ZNF407: variants seen among roughly 807,000 people sequenced by gnomAD.
The protein encoded by ZNF407 is zinc finger protein 407.
Under a neutral mutation model 131.2 loss-of-function variants are expected in ZNF407, and 17 were observed. That is an observed-to-expected ratio of 0.13 (90% CI 0.09 to 0.19). The LOEUF is 0.19. Ranked by LOEUF, ZNF407 falls within the 10% of genes least tolerant of loss-of-function variation. ZNF407 has a pLI of 1.00. For missense variants in ZNF407, 2,681 were observed against 2,830.6 expected, an observed-to-expected ratio of 0.95 and a Z score of 1.20; for synonymous variants, 1,156 against 1,062.0, an observed-to-expected ratio of 1.09 and a Z score of -1.72.
Position 74,635,743 on chromosome 18 carries a change from A to G in ZNF407, c.4687+37A>G, listed in dbSNP as rs1984433052. 5 of 1,532,718 alleles carry G rather than the reference A, an allele frequency of 3.3e-6. No homozygotes were observed. Among genetic ancestry groups the G allele is most frequent in the African/African-American group, 2.8e-5 (2 of 72,312 alleles). The allele number at this position is 1,532,718 out of a possible 1,614,324, so 94.9% of individuals were successfully genotyped here. On this transcript the variant is annotated intron_variant, in intron 2 of 8. Coordinates refer to ENST00000299687, the MANE Select transcript of ZNF407 (RefSeq NM_017757.3). This position sits in a 1 kb window ranked among gnomAD's most constrained non-coding sequence, Gnocchi z 4.7. ...TGCAGCAAGCCAAGTCAGTGAGGAC[A>G]TGGGGCCATTTGTTCCCATCCAGAT...
chr18:74,678,232 GGGTAT>G, intron 3 of ZNF407, among the ~76,000 whole-genome samples: 1 of 152,234 alleles, frequency 6.6e-6, no homozygotes, highest in East Asian at 1.9e-4. Context: ...AAGTAGCTGG[GGGTAT>G]TAGCAGTTTA....
chr18:74,906,709 CTG>C (rs2145215925), intron 7 of ZNF407, among the ~76,000 whole-genome samples: 1 of 152,088 alleles, frequency 6.6e-6, no homozygotes, highest in East Asian at 1.9e-4. Context: ...TACATTTTAT[CTG>C]TATATGTATG....
intron 7 of ZNF407, among the ~76,000 whole-genome samples, chr18:74,906,667 CTA>C (rs2145215835): frequency 1.3e-5 from 2 of 152,264 alleles, no homozygotes; most frequent in Non-Finnish European, 2.9e-5. Context: ...ATTTACATCT[CTA>C]TATGTATAAA....
chr18:74,979,048 G>C (rs1249486436), intron 8 of ZNF407, among the ~76,000 whole-genome samples: 1 of 152,034 alleles, frequency 6.6e-6, no homozygotes, highest in African/African-American at 2.4e-5. Flanking sequence ...ACGACTTCGC[G>C]GGCAGCACTG....
intron 4 of ZNF407, among the ~76,000 whole-genome samples, chr18:74,869,241 C>T (rs1244114462): frequency 6.6e-6 from 1 of 152,152 alleles, no homozygotes; most frequent in African/African-American, 2.4e-5. Flanking sequence ...ACTTTCCTTA[C>T]ATAAATCCAG....
chr18:74,952,708 C>T (rs757173510), intron 8 of ZNF407, among the ~76,000 whole-genome samples: 5 of 152,134 alleles, frequency 3.3e-5, no homozygotes, highest in Non-Finnish European at 7.3e-5. Flanking sequence ...AAATAAATTG[C>T]ACATATTTAA....
intron 8 of ZNF407, among the ~76,000 whole-genome samples, chr18:75,043,425 G>C (rs1378319908): frequency 6.6e-6 from 1 of 152,312 alleles, no homozygotes; most frequent in Middle Eastern, 3.4e-3. Context: ...ATATTTGGAG[G>C]CTGTTTTCCT....
At chr18:74,889,882 TA>T (rs1414561646) in intron 6 of ZNF407, 35 bp from the exon 7 acceptor site, 7 of 1,570,864 alleles carry the variant, frequency 4.5e-6, no homozygotes, top group Non-Finnish European at 6.1e-6. Flanking sequence ...CAGTTGTTAT[TA>T]TTATTCATCT....
At chr18:74,638,687 G>A (rs1984572523) in intron 2 of ZNF407, among the ~76,000 whole-genome samples, 2 of 152,060 alleles carry the variant, frequency 1.3e-5, no homozygotes, top group African/African-American at 2.4e-5. Flanking sequence ...AAACCTTATG[G>A]ACCAAATGAA....
At chr18:74,600,010 T>G (rs1177625259) in intron 1 of ZNF407, among the ~76,000 whole-genome samples, 2 of 152,244 alleles carry the variant, frequency 1.3e-5, no homozygotes, top group Non-Finnish European at 2.9e-5. Flanking sequence ...AGGAAACATT[T>G]ACCGCATGCT....
chr18:74,832,718 A>G (rs1970502627), intron 4 of ZNF407, among the ~76,000 whole-genome samples: 1 of 152,208 alleles, frequency 6.6e-6, no homozygotes, highest in Admixed American at 6.5e-5. Context: ...AATTTCTTCT[A>G]AACTTTCATC....
Position 75,064,300 on chromosome 18 carries a change from T to C in ZNF407, c.6579T>C (p.Thr2193=). 1 of 1,602,948 alleles carries C rather than the reference T, an allele frequency of 6.2e-7. No homozygotes were observed. The highest frequency in any genetic ancestry group is 8.5e-7 in the Non-Finnish European group (1 of 1,175,678). ...PGLYSHTVLE[T]ADSQELLQAG... is the part of the protein sequence containing the mutation. ...TGTACTCCCACACCGTGCTGGAGAC[T>C]GCGGACTCGCAGGAACTCCTGCAGG... Residue 2193 remains threonine, a synonymous_variant, in exon 9 of 9, where the codon ACT becomes ACC. Coordinates refer to ENST00000299687, the MANE Select transcript of ZNF407 (RefSeq NM_017757.3).
At chr18:74,845,549 C>G (rs1970691041) in intron 4 of ZNF407, among the ~76,000 whole-genome samples, 1 of 151,980 alleles carries the variant, frequency 6.6e-6, no homozygotes, top group Non-Finnish European at 1.5e-5. Context: ...TGTTGGCATT[C>G]AAAAAATGAG....
At chr18:74,814,497 T>C (rs1970240956) in intron 4 of ZNF407, among the ~76,000 whole-genome samples, 1 of 152,186 alleles carries the variant, frequency 6.6e-6, no homozygotes, top group Admixed American at 6.5e-5. Context: ...ACTTGAGCTA[T>C]TTTTAAAGGA....
At chr18:74,642,376 T>C (rs1378530794) in intron 3 of ZNF407, among the ~76,000 whole-genome samples, 1 of 152,138 alleles carries the variant, frequency 6.6e-6, no homozygotes, top group Non-Finnish European at 1.5e-5. Flanking sequence ...AAAAGATATC[T>C]CATCTATTGT....
chr18:74,746,742 G>A (rs1968678064), intron 3 of ZNF407, among the ~76,000 whole-genome samples: 1 of 151,012 alleles, frequency 6.6e-6, no homozygotes, highest in African/African-American at 2.4e-5. Flanking sequence ...TCCTTCTTCT[G>A]GAAGGCTTTC....
chr18:74,700,004 CT>C (rs1270224043), intron 3 of ZNF407, among the ~76,000 whole-genome samples: 1 of 152,014 alleles, frequency 6.6e-6, no homozygotes, highest in African/African-American at 2.4e-5. Flanking sequence ...AAGATTAGTG[CT>C]GTGTTCCCAT....
intron 4 of ZNF407, among the ~76,000 whole-genome samples, chr18:74,783,078 A>G (rs1381941173): frequency 6.6e-6 from 1 of 152,240 alleles, no homozygotes; most frequent in African/African-American, 2.4e-5. Flanking sequence ...TTAAGTATGT[A>G]GAAACAGAAC....
At chr18:74,763,086 C>T (rs1448108643) in intron 3 of ZNF407, among the ~76,000 whole-genome samples, 1 of 150,550 alleles carries the variant, frequency 6.6e-6, no homozygotes, top group East Asian at 2.0e-4. Flanking sequence ...CTTCCCAAAG[C>T]TTGCAATTGT....
Sources: allele counts gnomAD v4.1 joint callset (sites outside exome capture counted in the v4.1 genomes callset), GRCh38; gene constraint gnomAD v4.1.1; non-coding constraint Gnocchi (gnomAD v3.1); transcripts MANE v1.5; gene names NCBI Gene and HGNC (gene_info 2026-07-23, HGNC 2026-07-21).